The following EGFLAM variants were observed in gnomAD, a reference collection of about 807,000 sequenced individuals.
EGFLAM encodes the protein EGF like, fibronectin type III and laminin G domains.
In EGFLAM, 79 loss-of-function variants were observed where a neutral mutation model predicts 113.1. That is an observed-to-expected ratio of 0.70 (90% CI 0.58 to 0.84). The LOEUF is 0.84. EGFLAM is among the 40% of genes least tolerant of loss of function. The pLI is 0.00. For missense variants in EGFLAM, 1,265 were observed against 1,291.6 expected (o/e 0.98, Z 0.32); for synonymous variants, 504 against 487.6 (o/e 1.03, Z -0.44).
rs763994812 is a variant in EGFLAM, at chr5:38,431,269, T to C, written c.2147T>C (p.Ile716Thr). 1.9e-6 allele frequency: 3 copies of C among 1,613,914 alleles called. No individual in the cohort carries two copies. Among genetic ancestry groups the C allele is most frequent in the South Asian group, 1.1e-5 (1 of 91,076 alleles). The part of the protein sequence containing the change: ...NGILQVDKQK[I>T]VEGMAEGGFT... Reference sequence around the variant, plus strand: ...ATCTTACAGGTGGATAAGCAGAAGATAGTGGAGGGAATGGCAGAGGTAAGA... The same window carrying C: ...ATCTTACAGGTGGATAAGCAGAAGACAGTGGAGGGAATGGCAGAGGTAAGA... Residue 716 changes from isoleucine to threonine, a missense_variant, in exon 15 of 22, where the codon ATA becomes ACA. By Grantham distance (89) the Ile-to-Thr change is moderately conservative. Transcript: ENST00000322350.
chr5:38,272,982 C>G (rs116239482), intron 1 of EGFLAM, among the ~76,000 whole-genome samples: 1 of 152,116 alleles, frequency 6.6e-6, no homozygotes, highest in Non-Finnish European at 1.5e-5. Context: ...AATCATTCCC[C>G]TGCATAAACA....
At chr5:38,310,731 A>G (rs188542041) in intron 1 of EGFLAM, among the ~76,000 whole-genome samples, 1 of 152,330 alleles carries the variant, frequency 6.6e-6, no homozygotes, top group African/African-American at 2.4e-5. Context: ...ACATAACACA[A>G]GGTGGCAGAT....
chr5:38,397,607 TTCTAAGATAGGG>T (rs1740995630), intron 6 of EGFLAM, among the ~76,000 whole-genome samples: 1 of 151,080 alleles, frequency 6.6e-6, no homozygotes, highest in Non-Finnish European at 1.5e-5. Flanking sequence ...ATTCAATATT[TTCTAAGATAGGG>T]TCTACCTGAG....
intron 21 of EGFLAM, among the ~76,000 whole-genome samples, chr5:38,463,419 T>TATGATA (rs1743357447): frequency 6.6e-6 from 1 of 152,242 alleles, no homozygotes; most frequent in African/African-American, 2.4e-5. Context: ...TTTTTATCTA[T>TATGATA]ATGATATTTT....
chr5:38,420,511 C>T (rs1741787993), intron 12 of EGFLAM, among the ~76,000 whole-genome samples: 1 of 152,202 alleles, frequency 6.6e-6, no homozygotes, highest in African/African-American at 2.4e-5. Flanking sequence ...AACTCAGTCT[C>T]CCCATCTAGA....
chr5:38,347,417 C>G (rs980157289), intron 3 of EGFLAM, among the ~76,000 whole-genome samples: 6 of 152,078 alleles, frequency 3.9e-5, no homozygotes, highest in African/African-American at 1.4e-4. Context: ...AATTAAAATA[C>G]AAGGTGAGCA....
intron 9 of EGFLAM, among the ~76,000 whole-genome samples, chr5:38,408,210 C>T (rs1236633567): frequency 6.6e-6 from 1 of 152,120 alleles, no homozygotes; most frequent in Non-Finnish European, 1.5e-5. Flanking sequence ...GTGATTTCTC[C>T]CAGGCCAGGA....
intron 1 of EGFLAM, among the ~76,000 whole-genome samples, chr5:38,328,201 G>T (rs2561128): frequency 0.042 from 6,371 of 152,194 alleles, 488 homozygotes; most frequent in African/African-American, 0.15. Flanking sequence ...AATGTCTTAC[G>T]TGGCCAGAGC....
intron 6 of EGFLAM, among the ~76,000 whole-genome samples, chr5:38,388,932 A>AT (rs61056151): frequency 7.9e-6 from 1 of 126,698 alleles, no homozygotes; most frequent in Non-Finnish European, 1.6e-5. Flanking sequence ...AAAAAAAAAA[A>AT]CAAAAAAAAA....
Position 38,406,153 on chromosome 5 carries a change from A to C in EGFLAM, c.740A>C (p.Tyr247Ser). 6.2e-7 allele frequency: 1 copy of C among 1,614,146 alleles called. No homozygotes were observed. The change falls in exon 7 of 22, where the codon TAT becomes TCT. Residue 247 changes from tyrosine (Y) to serine (S), a missense_variant. Tyr to Ser is a moderately radical substitution (Grantham distance 144, BLOSUM62 -2). Transcript: ENST00000322350. Reference protein sequence around the residue: ...LCPEEAGSGRYGPRYITDMGA... With the variant: ...LCPEEAGSGRSGPRYITDMGA... ...CCTGAGGAGGCGGGAAGTGGCCGCT[A>C]TGGACCCCGTTATATCACCGACATG...
At position 38,431,230 on chromosome 5, in the gene EGFLAM, C is replaced by T; in HGVS notation, c.2108C>T (p.Thr703Ile). 6.2e-7 allele frequency: 1 copy of T among 1,614,178 alleles called. No individual in the cohort carries two copies. Among genetic ancestry groups the T allele is most frequent in the Non-Finnish European group, 8.5e-7 (1 of 1,180,034 alleles). Reference sequence around the variant, plus strand: ...TGGCACGAGCTTCGTGTATCTCGCACAGCAAAGAATGGAATCTTACAGGTG... The same window carrying T: ...TGGCACGAGCTTCGTGTATCTCGCATAGCAAAGAATGGAATCTTACAGGTG... The part of the protein sequence containing the change: ...GNWHELRVSR[T>I]AKNGILQVDK... The change falls in exon 15 of 22, where the codon ACA becomes ATA. Residue 703 changes from threonine (T) to isoleucine (I), a missense_variant. Transcript: ENST00000322350.
intron 1 of EGFLAM, among the ~76,000 whole-genome samples, chr5:38,281,520 A>G (rs1428246): frequency 0.28 from 42,937 of 152,112 alleles, 6,599 homozygotes; most frequent in African/African-American, 0.39. Context: ...GCTAAATCTG[A>G]GAACTCTAAT....
chr5:38,452,181 A>G (rs1420290810), intron 19 of EGFLAM, among the ~76,000 whole-genome samples: 1 of 151,496 alleles, frequency 6.6e-6, no homozygotes, highest in East Asian at 2.0e-4. Context: ...GGATTATAGC[A>G]CGTGCCACCA....
At chr5:38,356,859 C>T (rs752172900) in intron 5 of EGFLAM, among the ~76,000 whole-genome samples, 18 of 152,144 alleles carry the variant, frequency 1.2e-4, no homozygotes, top group Non-Finnish European at 2.5e-4. Flanking sequence ...GTGTGTGCTA[C>T]GTATGGTCTC....
At chr5:38,267,672 G>T (rs762375260) in intron 1 of EGFLAM, among the ~76,000 whole-genome samples, 65 of 152,252 alleles carry the variant, frequency 4.3e-4, no homozygotes, top group Admixed American at 7.2e-4. Flanking sequence ...CACCGCTCTG[G>T]CATAAGAATT....
At chr5:38,317,068 C>T (rs1404512376) in intron 1 of EGFLAM, among the ~76,000 whole-genome samples, 3 of 152,170 alleles carry the variant, frequency 2.0e-5, no homozygotes, top group South Asian at 2.1e-4. Flanking sequence ...GAGAGACCCA[C>T]GGTCAAATCC....
intron 17 of EGFLAM, chr5:38,445,473 TG>T (rs1742675910): frequency 4.3e-5 from 61 of 1,427,186 alleles, no homozygotes; most frequent in Non-Finnish European, 5.5e-5. Flanking sequence ...GGTGGCTGGG[TG>T]CCAATCATGC....
At chr5:38,375,345 G>A (rs1740338142) in intron 6 of EGFLAM, among the ~76,000 whole-genome samples, 2 of 152,026 alleles carry the variant, frequency 1.3e-5, no homozygotes, top group South Asian at 2.1e-4. Context: ...TCCACATGTC[G>A]GGCTTACCCC....
At chr5:38,354,889 A>G (rs371858914) in intron 5 of EGFLAM, among the ~76,000 whole-genome samples, 35 of 152,350 alleles carry the variant, frequency 2.3e-4, no homozygotes, top group African/African-American at 8.2e-4. Flanking sequence ...GCAGTTTCTT[A>G]ACCTTGTGTG....
Sources: gnomAD v4.1 joint callset for allele counts (sites outside exome capture counted in the v4.1 genomes callset) on GRCh38, gnomAD v4.1.1 for gene constraint, MANE v1.5 for transcripts, NCBI Gene and HGNC (gene_info 2026-07-23, HGNC 2026-07-21) for gene names.